Variants in OPN5 observed in about 807,000 individuals in gnomAD.
The protein encoded by OPN5 is opsin-5.
OPN5 carries 18 observed loss-of-function variants against 41.7 expected under a neutral mutation model. The observed-to-expected ratio is 0.43, with a 90% confidence interval of 0.30 to 0.64. The LOEUF is 0.64. Among genes scored for constraint, OPN5 ranks in the 30% least tolerant of loss-of-function variants. OPN5 has a pLI of 0.13. For synonymous variants in OPN5, 178 were observed against 164.3 expected (o/e 1.08, Z -0.64); for missense variants, 318 against 434.5 (o/e 0.73, Z 2.38).
intron 6 of OPN5, among the ~76,000 whole-genome samples, chr6:47,812,308 G>C (rs1176648532): frequency 6.6e-6 from 1 of 152,142 alleles, no homozygotes; most frequent in Non-Finnish European, 1.5e-5. Context: ...CTCCAAATTT[G>C]AAGACAACAG....
intron 4 of OPN5, among the ~76,000 whole-genome samples, chr6:47,805,924 C>T (rs1773942681): frequency 6.6e-6 from 1 of 152,028 alleles, no homozygotes; most frequent in Non-Finnish European, 1.5e-5. Flanking sequence ...TAGGAAAGTC[C>T]AATTTTCCTG....
At chr6:47,803,006 A>G (rs1001841055) in intron 4 of OPN5, among the ~76,000 whole-genome samples, 2 of 152,134 alleles carry the variant, frequency 1.3e-5, no homozygotes, top group Non-Finnish European at 2.9e-5. Flanking sequence ...TTAGATCACA[A>G]TGAGGGTTAA....
chr6:47,783,778 T>A (rs1320754897), intron 1 of OPN5, among the ~76,000 whole-genome samples: 1 of 152,182 alleles, frequency 6.6e-6, no homozygotes, highest in Non-Finnish European at 1.5e-5. Context: ...ACATTGCATT[T>A]TTATTAAACT....
chr6:47,804,289 G>A (rs1055407212), intron 4 of OPN5, among the ~76,000 whole-genome samples: 4 of 152,022 alleles, frequency 2.6e-5, no homozygotes, highest in African/African-American at 9.7e-5. Context: ...GACCTAAAAA[G>A]GCAGTGATAA....
At chr6:47,820,422 C>G (rs892702497) in intron 6 of OPN5, among the ~76,000 whole-genome samples, 1 of 152,046 alleles carries the variant, frequency 6.6e-6, no homozygotes, top group Non-Finnish European at 1.5e-5. Flanking sequence ...TATGGTTGAC[C>G]GATTTATTCT....
intron 1 of OPN5, 141 bp downstream of exon 1, chr6:47,782,337 G>C: frequency 1.6e-6 from 1 of 637,552 alleles, no homozygotes; most frequent in Non-Finnish European, 2.7e-6. Flanking sequence ...AGATGGAATG[G>C]CATTATGGCA....
chr6:47,798,214 C>G (rs1279155321), intron 4 of OPN5, among the ~76,000 whole-genome samples: 1 of 151,760 alleles, frequency 6.6e-6, no homozygotes, highest in African/African-American at 2.4e-5. Flanking sequence ...TTAAAATAAC[C>G]TAAATACAAA....
chr6:47,786,380 T>C lies in OPN5; in HGVS notation c.131-135T>C, dbSNP rs544384153. On this transcript the variant is annotated intron_variant, in intron 1 of 6. Coordinates refer to ENST00000371211, the Ensembl canonical transcript of OPN5. ...TGCTTTTTATTTCATCTTCTTAATT[T>C]AGATTTTTTTATTTAGAGTCCTCTC... 4.7e-6 allele frequency: 3 copies of C among 642,686 alleles called. No homozygotes were observed. In the East Asian group the frequency reaches 8.0e-5, roughly 17 times the overall value. The allele number at this position is 642,686 out of a possible 1,614,324, so 39.8% of individuals were successfully genotyped here. A position where few individuals can be genotyped will look rare whatever the true frequency, so the allele number is the denominator to read the frequency against.
intron 2 of OPN5, among the ~76,000 whole-genome samples, chr6:47,790,431 T>C (rs773374721): frequency 1.3e-5 from 2 of 152,112 alleles, no homozygotes; most frequent in Non-Finnish European, 2.9e-5. Flanking sequence ...CTCTCTCTCA[T>C]AGAGGAGCTC....
exon 5 of OPN5, chr6:47,808,178 T>C: frequency 6.2e-7 from 1 of 1,613,736 alleles, no homozygotes; most frequent in Non-Finnish European, 8.5e-7. Context: ...TTGTGCTGGA[T>C]TCCTGATTGC....
intron 4 of OPN5, among the ~76,000 whole-genome samples, chr6:47,799,640 G>A (rs139970057): frequency 1.3e-4 from 20 of 152,274 alleles, no homozygotes; most frequent in African/African-American, 3.4e-4. Flanking sequence ...TGCATCTTGG[G>A]TCTTGGCTGG....
At chr6:47,814,879 A>AAC (rs1325720587) in intron 6 of OPN5, among the ~76,000 whole-genome samples, 2 of 152,128 alleles carry the variant, frequency 1.3e-5, no homozygotes, top group Non-Finnish European at 2.9e-5. Flanking sequence ...CCAGTGCCTG[A>AAC]TGCATAAAGG....
At chr6:47,812,327 G>A (rs1053641920) in intron 6 of OPN5, among the ~76,000 whole-genome samples, 3 of 152,106 alleles carry the variant, frequency 2.0e-5, no homozygotes, top group African/African-American at 4.8e-5. Flanking sequence ...AGTAATTTCC[G>A]CTGATGATAA....
exon 1 of OPN5, chr6:47,782,116 A>G: frequency 1.2e-6 from 2 of 1,612,280 alleles, no homozygotes; most frequent in Non-Finnish European, 1.7e-6. Context: ...CTGCCCCATT[A>G]CCTTCGAGAT....
chr6:47,788,657 A>T (rs1233178076), intron 2 of OPN5, among the ~76,000 whole-genome samples: 1 of 152,062 alleles, frequency 6.6e-6, no homozygotes, highest in East Asian at 1.9e-4. Context: ...ATATTCCATT[A>T]TAAGCACCTC....
exon 4 of OPN5, chr6:47,795,345 G>A (rs1008543429): frequency 3.7e-6 from 6 of 1,614,116 alleles, no homozygotes; most frequent in East Asian, 2.2e-5. Context: ...TGAGCCCTTC[G>A]GAACCTCGTG....
chr6:47,792,586 T>G (rs147119901), intron 3 of OPN5, among the ~76,000 whole-genome samples: 68 of 152,354 alleles, frequency 4.5e-4, no homozygotes, highest in African/African-American at 1.5e-3. Context: ...TATATGTTTT[T>G]TAATGATTAG....
intron 6 of OPN5, among the ~76,000 whole-genome samples, chr6:47,820,857 A>C (rs1762601901): frequency 2.0e-5 from 3 of 152,222 alleles, no homozygotes; most frequent in Admixed American, 2.0e-4. Context: ...GGACTCTCCC[A>C]GAACTTAACT....
chr6:47,800,033 G>A (rs1773710314), intron 4 of OPN5, among the ~76,000 whole-genome samples: 1 of 152,074 alleles, frequency 6.6e-6, no homozygotes, highest in Non-Finnish European at 1.5e-5. Context: ...TAGAAGCTGG[G>A]AAATGAAGGT....
Sources: gnomAD v4.1 joint callset for allele counts (sites outside exome capture counted in the v4.1 genomes callset) on GRCh38, gnomAD v4.1.1 for gene constraint, MANE v1.5 for transcripts, NCBI Gene and HGNC (gene_info 2026-07-23, HGNC 2026-07-21) for gene names.